Variants in KRT7 observed in about 807,000 individuals in gnomAD.
The protein encoded by KRT7 is keratin, type II cytoskeletal 7.
Under a neutral mutation model 42.8 loss-of-function variants are expected in KRT7, and 50 were observed. The observed-to-expected ratio is 1.17, with a 90% CI of 0.93 to 1.48. The LOEUF (loss-of-function observed/expected upper bound fraction) is 1.48, where lower values mean the gene tolerates loss of function less well. KRT7 is among the 40% of genes most tolerant of loss of function. The probability of loss-of-function intolerance (pLI) is 0.00; values close to 1 mark genes in which losing one functional copy is unlikely to be tolerated. For synonymous variants in KRT7, 268 were observed against 266.3 expected (o/e 1.01, Z -0.06); for missense variants, 588 against 637.6 (o/e 0.92, Z 0.84).
rs537372436 is a variant in KRT7 at position 52,245,242 on chromosome 12, G to A, written c.985-170G>A. ...GCAGAGCCAGAACTGGAACATAGGC[G>A]TTGGATATCCAAACCTATGTGTTTA... is the stretch of plus-strand genomic sequence containing the variant. On this transcript the variant is annotated intron_variant, in intron 6 of 8. Transcript: ENST00000331817. 2.3e-5 allele frequency: 15 copies of A among 655,966 alleles called. No individual in the cohort carries two copies. In the Middle Eastern group the frequency reaches 1.2e-3, roughly 52 times the overall value. The allele number at this position is 655,966 out of a possible 1,614,324, so 40.6% of individuals were successfully genotyped here.
chr12:52,234,175 A>G (rs1941976130), intron 1 of KRT7, among the ~76,000 whole-genome samples: 1 of 145,438 alleles, frequency 6.9e-6, no homozygotes. Flanking sequence ...CTGGTCCTCC[A>G]GCCTCCCTTA....
chr12:52,242,890 TG>T, intron 5 of KRT7, 121 bp from the exon 6 acceptor site: 1 of 1,142,616 alleles, frequency 8.8e-7, no homozygotes, highest in Non-Finnish European at 1.2e-6. Flanking sequence ...CAAAGGTTGA[TG>T]GGAGTCAGAC....
At position 52,248,668 on chromosome 12, in the gene KRT7, G is replaced by T. The variant is rs764465358; in HGVS notation, c.1318G>T (p.Ala440Ser). ...LTLGGTMGSN[A>S]LSFSSSAGPG... is the part of the protein sequence containing the mutation. ...CCTCGGGGGAACCATGGGCAGCAAT[G>T]CCCTGAGCTTCTCCAGCAGTGCGGG... Residue 440 changes from alanine (A) to serine (S), a missense_variant, in exon 9 of 9, where the codon GCC becomes TCC. Ala to Ser is a moderately conservative substitution (Grantham distance 99). Transcript: ENST00000331817. 4.3e-6 allele frequency: 7 copies of T among 1,613,258 alleles called. No individual in the cohort carries two copies. Among genetic ancestry groups the T allele is most frequent in the Middle Eastern group, 1.6e-4 (1 of 6,074 alleles).
chr12:52,233,922 T>G (rs1315112907), intron 1 of KRT7, among the ~76,000 whole-genome samples: 3 of 152,158 alleles, frequency 2.0e-5, no homozygotes, highest in Non-Finnish European at 4.4e-5. Flanking sequence ...GTTGGTCACC[T>G]GGACCAGTTT....
chr12:52,249,998 G>C (rs1484211002), downstream of KRT7, among the ~76,000 whole-genome samples: 1 of 152,176 alleles, frequency 6.6e-6, no homozygotes, highest in African/African-American at 2.4e-5. Context: ...GAGACTCTCA[G>C]GGCACAATGC....
At chr12:52,242,536 C>G (rs1027004092) in intron 5 of KRT7, among the ~76,000 whole-genome samples, 2 of 152,212 alleles carry the variant, frequency 1.3e-5, no homozygotes, top group South Asian at 2.1e-4. Context: ...TCTGCCCCTG[C>G]AGAGATAGAG....
At chr12:52,250,532 C>T (rs1283742494), downstream of KRT7, 3 of 995,320 alleles carry the variant, frequency 3.0e-6, no homozygotes, top group Non-Finnish European at 4.5e-6. Context: ...GGCCGGTGCT[C>T]ACCGCCACGT....
chr12:52,244,633 T>G, intron 6 of KRT7: 1 of 985,956 alleles, frequency 1.0e-6, no homozygotes, highest in Non-Finnish European at 1.2e-6. Context: ...GAGAAGTCCT[T>G]GCCCAGGGGA....
chr12:52,243,420 T>A, intron 6 of KRT7: 1 of 361,226 alleles, frequency 2.8e-6, no homozygotes, highest in Non-Finnish European at 5.0e-6. Flanking sequence ...TACTGAGCAC[T>A]CTGCTTGCAC....
chr12:52,254,350 G>A (rs1430058675), downstream of KRT7: 1 of 833,874 alleles, frequency 1.2e-6, no homozygotes, highest in Admixed American at 1.8e-5. Context: ...TGCGCAGGTA[G>A]GCACAGTCCA....
In KRT7 at chr12:52,248,616, T is replaced by G. The variant is rs1215397870; in HGVS notation, c.1266T>G (p.Ser422Arg). The change falls in exon 9 of 9, where the codon AGT becomes AGG. Residue 422 changes from serine (S) to arginine (R), a missense_variant. Coordinates refer to ENST00000331817, the MANE Select transcript of KRT7 (RefSeq NM_005556.4). The stretch of plus-strand genomic sequence containing the variant: ...CTGTGATGAATTCCACTGGTGGCAG[T>G]AGCAGTGGCGGTGGCATTGGGCTGA... ...NISVMNSTGG[S>R]SSGGGIGLTL... The G allele has an allele frequency of 1.9e-6, 3 of 1,597,026 alleles. No individual in the cohort carries two copies. Among genetic ancestry groups the G allele is most frequent in the East Asian group, 4.5e-5 (2 of 44,668 alleles).
chr12:52,242,452 C>T (rs936024321), intron 5 of KRT7, among the ~76,000 whole-genome samples: 4 of 152,076 alleles, frequency 2.6e-5, no homozygotes, highest in African/African-American at 9.7e-5. Context: ...GGTGCAGGGG[C>T]TGAGGGAGCA....
At chr12:52,235,393 G>C (rs74093360) in intron 2 of KRT7, 27 bp downstream of exon 2, 1 of 1,577,276 alleles carries the variant, frequency 6.3e-7, no homozygotes, top group Admixed American at 1.7e-5. Flanking sequence ...CACATGCGAA[G>C]ACCCCTGCCC....
At chr12:52,254,204 G>T, downstream of KRT7, 2 of 631,856 alleles carry the variant, frequency 3.2e-6, no homozygotes, top group South Asian at 1.4e-5. Context: ...GCTGAATGGT[G>T]ACAAGTATTT....
At chr12:52,248,081 A>T (rs1054627169) in intron 7 of KRT7, 96 bp from the exon 8 acceptor site, 3 of 1,200,552 alleles carry the variant, frequency 2.5e-6, no homozygotes, top group Admixed American at 3.5e-5. Context: ...GGAAAAATCA[A>T]TGATCCTGCT....
downstream of KRT7, among the ~76,000 whole-genome samples, chr12:52,255,064 A>C (rs1273854332): frequency 6.6e-6 from 1 of 152,248 alleles, no homozygotes; most frequent in Non-Finnish European, 1.5e-5. Context: ...GAAGGAGGTG[A>C]AAATCTGGTG....
chr12:52,237,721 C>CGTGTGTGT (rs1202496423), intron 3 of KRT7, 152 bp downstream of exon 3: 284 of 322,962 alleles, frequency 8.8e-4, no homozygotes, highest in African/African-American at 8.6e-4. Flanking sequence ...CCTGTGGGTG[C>CGTGTGTGT]GTGTATGTGT....
intron 2 of KRT7, among the ~76,000 whole-genome samples, chr12:52,235,698 T>C (rs771541344): frequency 2.6e-5 from 4 of 152,170 alleles, no homozygotes; most frequent in East Asian, 1.9e-4. Flanking sequence ...ACAGGGGTGC[T>C]TCAGAACTGG....
chr12:52,250,521 A>G, downstream of KRT7: 1 of 823,762 alleles, frequency 1.2e-6, no homozygotes, highest in Non-Finnish European at 2.0e-6. Flanking sequence ...GGGCGCACAC[A>G]GGCCGGTGCT....
Sources: allele counts gnomAD v4.1 joint callset (sites outside exome capture counted in the v4.1 genomes callset), GRCh38; gene constraint gnomAD v4.1.1; transcripts MANE v1.5; gene names NCBI Gene and HGNC (gene_info 2026-07-23, HGNC 2026-07-21).